Variants in C10orf67 observed in about 807,000 individuals in gnomAD.
The protein encoded by C10orf67 is uncharacterized protein C10orf67, mitochondrial.
A neutral mutation model predicts 35.6 loss-of-function variants in C10orf67; 60 were observed. The ratio of observed to expected loss-of-function variants is 1.68; its 90% CI spans 1.37 to 2.09. C10orf67 has a LOEUF of 2.09. C10orf67 is among the 30% of genes most tolerant of loss of function. The pLI is 0.00. For synonymous variants in C10orf67, 167 were observed against 115.8 expected (o/e 1.44, Z -2.84); for missense variants, 474 against 330.2 (o/e 1.44, Z -3.38).
At chr10:23,271,770 T>G (rs1843031445) in intron 8 of C10orf67, among the ~76,000 whole-genome samples, 1 of 152,242 alleles carries the variant, frequency 6.6e-6, no homozygotes, top group Non-Finnish European at 1.5e-5. Context: ...AAAATTGGGT[T>G]GTTTTCGTAT....
intron 7 of C10orf67, among the ~76,000 whole-genome samples, chr10:23,284,622 G>A (rs1254445354): frequency 6.6e-6 from 1 of 151,978 alleles, no homozygotes; most frequent in East Asian, 1.9e-4. Flanking sequence ...GCCCAGGAAG[G>A]CTGCAGTGAG....
At position 23,273,167 on chromosome 10, in the gene C10orf67, T is replaced by A. The variant is rs553700051; in HGVS notation, c.976-5913A>T. ...CTCTTCCTTCCCAATCTGGATGTTA[T>A]TTATTTTTGTGTGTGTGCATTATTG... On this transcript the variant is annotated intron_variant, in intron 8 of 15. Transcript: ENST00000636213. Among the ~76,000 whole-genome samples, 6 of 152,346 alleles carry A rather than the reference T, an allele frequency of 3.9e-5. No individual in the cohort carries two copies. In the South Asian group the frequency reaches 1.2e-3, roughly 32 times the overall value.
chr10:23,227,279 C>T (rs1841767421), intron 13 of C10orf67, among the ~76,000 whole-genome samples: 1 of 152,168 alleles, frequency 6.6e-6, no homozygotes, highest in Non-Finnish European at 1.5e-5. Context: ...AAGGCTGGTT[C>T]AACATATGCA....
intron 5 of C10orf67, among the ~76,000 whole-genome samples, chr10:23,296,622 C>T (rs760183762): frequency 2.6e-5 from 4 of 152,066 alleles, no homozygotes; most frequent in Admixed American, 6.6e-5. Context: ...TACTAGGGGT[C>T]GTGCAGTTGA....
At chr10:23,323,896 T>A (rs952579106) in intron 2 of C10orf67, among the ~76,000 whole-genome samples, 2 of 2,390 alleles carry the variant, frequency 8.4e-4, no homozygotes, top group Non-Finnish European at 1.3e-3. Flanking sequence ...TCCGTCTAAA[T>A]ATATATATAT....
chr10:23,306,233 G>A (rs764073820), intron 4 of C10orf67, among the ~76,000 whole-genome samples: 1 of 151,968 alleles, frequency 6.6e-6, no homozygotes, highest in African/African-American at 2.4e-5. Context: ...GGAGTAGAAC[G>A]GTGGTTGACA....
intron 13 of C10orf67, among the ~76,000 whole-genome samples, chr10:23,231,986 T>C (rs1442924853): frequency 1.3e-5 from 2 of 152,124 alleles, no homozygotes; most frequent in Non-Finnish European, 2.9e-5. Context: ...TAGAACTACA[T>C]GCACAAGTGA....
In C10orf67 at chr10:23,203,086, G is replaced by A. The variant is rs892996436; in HGVS notation, c.*1087C>T. 6.6e-6 allele frequency: 1 copy of A among 152,188 alleles called. No homozygotes were observed. The highest frequency in any genetic ancestry group is 6.5e-5 in the Admixed American group (1 of 15,280). 9.4% of individuals were successfully genotyped at this position (152,188 alleles called of 1,614,324 possible). A position where few individuals can be genotyped will look rare whatever the true frequency, so the allele number is the denominator to read the frequency against. On this transcript the variant is annotated 3_prime_UTR_variant, in exon 16 of 16. Transcript: ENST00000636213. ...CTTTCTTTAGCCAAACTGATGGGAG[G>A]AAATTTGAAAGAAGCGCCAAACTGT...
chr10:23,284,084 T>C (rs769093829), intron 7 of C10orf67, among the ~76,000 whole-genome samples: 1 of 149,880 alleles, frequency 6.7e-6, no homozygotes, highest in Non-Finnish European at 1.5e-5. Flanking sequence ...CAGTCCCATT[T>C]TCAACCTGTT....
At chr10:23,293,371 G>C (rs994528499) in intron 5 of C10orf67, among the ~76,000 whole-genome samples, 1 of 152,078 alleles carries the variant, frequency 6.6e-6, no homozygotes, top group Admixed American at 6.6e-5. Flanking sequence ...CTATTCAGAC[G>C]CCCACAGCAA....
intron 10 of C10orf67, among the ~76,000 whole-genome samples, chr10:23,265,267 G>T (rs759481743): frequency 1.5e-4 from 23 of 152,374 alleles, no homozygotes; most frequent in Non-Finnish European, 3.1e-4. Flanking sequence ...CTCCTGGAGA[G>T]TGGGCACGAG....
At chr10:23,344,336 G>A in intron 1 of C10orf67, 1 of 576,954 alleles carries the variant, frequency 1.7e-6, no homozygotes, top group East Asian at 2.9e-5. Flanking sequence ...GAGCACGCGC[G>A]GGAGGAGGGG....
intron 6 of C10orf67, 63 bp downstream of exon 6, chr10:23,291,069 G>T: frequency 1.5e-6 from 1 of 649,478 alleles, no homozygotes. Context: ...GACAAACATA[G>T]TTATGAGCTT....
At chr10:23,310,184 T>C (rs1160151314) in intron 4 of C10orf67, among the ~76,000 whole-genome samples, 1 of 152,156 alleles carries the variant, frequency 6.6e-6, no homozygotes, top group Non-Finnish European at 1.5e-5. Context: ...TTTTTTAACT[T>C]AGTAACAACT....
intron 4 of C10orf67, 68 bp from the exon 5 acceptor site, chr10:23,303,527 A>G: frequency 2.3e-6 from 1 of 426,276 alleles, no homozygotes; most frequent in Non-Finnish European, 4.3e-6. Flanking sequence ...CTTACACTAA[A>G]TTAGACACTC....
rs1271091183 is a variant in C10orf67 at position 23,203,526 on chromosome 10, G to A, written c.*647C>T. 1 of 152,222 alleles carries A rather than the reference G, an allele frequency of 6.6e-6. No individual in the cohort carries two copies. The highest frequency in any genetic ancestry group is 2.4e-5 in the African/African-American group (1 of 41,468). The allele number at this position is 152,222 out of a possible 1,614,324, so 9.4% of individuals were successfully genotyped here. The stretch of plus-strand genomic sequence containing the variant: ...AGAACCAAGTTGGACATTACGCATG[G>A]AAGAAAAGCAAACCCGCCTTTTGGT... On this transcript the variant is annotated 3_prime_UTR_variant, in exon 16 of 16. Transcript: ENST00000636213.
chr10:23,311,636 G>A (rs564146214), intron 4 of C10orf67, among the ~76,000 whole-genome samples: 2 of 152,136 alleles, frequency 1.3e-5, no homozygotes, highest in Admixed American at 6.5e-5. Context: ...GCTTGAACCC[G>A]GGAGGCAGAG....
intron 15 of C10orf67, among the ~76,000 whole-genome samples, chr10:23,209,393 G>C (rs770119782): frequency 6.6e-6 from 1 of 152,074 alleles, no homozygotes; most frequent in East Asian, 1.9e-4. Context: ...AGAGGAGAGC[G>C]TTTGGAGAAT....
chr10:23,222,563 A>G (rs1841613295), intron 15 of C10orf67, among the ~76,000 whole-genome samples: 1 of 152,106 alleles, frequency 6.6e-6, no homozygotes, highest in African/African-American at 2.4e-5. Flanking sequence ...ACGTTCACTA[A>G]TTGGGTGATG....
Sources: gnomAD v4.1 joint callset for allele counts (sites outside exome capture counted in the v4.1 genomes callset) on GRCh38, gnomAD v4.1.1 for gene constraint, MANE v1.5 for transcripts, NCBI Gene and HGNC (gene_info 2026-07-23, HGNC 2026-07-21) for gene names.